PLCL2: variants seen among roughly 807,000 people sequenced by gnomAD.
The protein encoded by PLCL2 is inactive phospholipase C-like protein 2.
PLCL2 carries 4 observed loss-of-function variants against 79.6 expected under a neutral mutation model. That is an observed-to-expected ratio of 0.05 (90% confidence interval 0.02 to 0.11). The LOEUF is 0.11. Ranked by LOEUF, PLCL2 falls within the 10% of genes least tolerant of loss-of-function variation. PLCL2 has a pLI of 1.00. For synonymous variants in PLCL2, 484 were observed against 457.7 expected (o/e 1.06, Z -0.73); for missense variants, 895 against 1,291.0 (o/e 0.69, Z 4.70).
chr3:16,955,961 A>G (rs2124963883), intron 1 of PLCL2, among the ~76,000 whole-genome samples: 1 of 152,352 alleles, frequency 6.6e-6, no homozygotes, highest in South Asian at 2.1e-4. Context: ...ATATACAATC[A>G]TGTCATCTGC....
intron 1 of PLCL2, among the ~76,000 whole-genome samples, chr3:16,984,687 C>T (rs1203508336): frequency 1.3e-5 from 2 of 152,140 alleles, no homozygotes; most frequent in African/African-American, 4.8e-5. Flanking sequence ...AATCCCAGCA[C>T]TTTGGGAGGC....
At chr3:16,926,231 A>G (rs1230030254) in intron 1 of PLCL2, among the ~76,000 whole-genome samples, 2 of 152,174 alleles carry the variant, frequency 1.3e-5, no homozygotes, top group African/African-American at 4.8e-5. Context: ...GTTGCTCTCA[A>G]ACAAACAAAA....
At chr3:16,981,938 C>A (rs984637923) in intron 1 of PLCL2, among the ~76,000 whole-genome samples, 2 of 152,138 alleles carry the variant, frequency 1.3e-5, no homozygotes, top group African/African-American at 2.4e-5. Context: ...TGTTCTATTT[C>A]CTTCATCTTA....
intron 4 of PLCL2, among the ~76,000 whole-genome samples, chr3:17,065,804 C>A (rs887768974): frequency 5.9e-5 from 9 of 152,158 alleles, no homozygotes; most frequent in African/African-American, 9.7e-5. Context: ...TCTTGCAGTC[C>A]ATGGAGTCAT....
intron 1 of PLCL2, among the ~76,000 whole-genome samples, chr3:16,966,658 T>G (rs777952584): frequency 7.9e-5 from 12 of 152,084 alleles, no homozygotes; most frequent in Non-Finnish European, 1.5e-4. Context: ...ACTTTTTTTT[T>G]GGTTAGTATG....
At chr3:16,995,418 G>T (rs1414770992) in intron 1 of PLCL2, among the ~76,000 whole-genome samples, 3 of 152,184 alleles carry the variant, frequency 2.0e-5, no homozygotes, top group Non-Finnish European at 4.4e-5. Context: ...CCAGGAACGT[G>T]CACTCTCAGG....
Position 17,080,276 on chromosome 3 carries a change from G to A in PLCL2, c.3205-9457G>A, listed in dbSNP as rs186869166. ...TTAGGGAGTCTTTTTTCAACCGTAA[G>A]GTTTACTGAGACTTCAGTGGGAAGT... On this transcript the variant is annotated intron_variant, in intron 5 of 5. Coordinates refer to ENST00000615277, the MANE Select transcript of PLCL2 (RefSeq NM_001144382.2). 9.9e-4 allele frequency among the ~76,000 whole-genome samples: 151 copies of A among 152,262 alleles called. 1 individual carries two copies. The East Asian group carries it at 0.021, about 21-fold the overall frequency.
chr3:16,941,699 C>T (rs138727900), intron 1 of PLCL2, among the ~76,000 whole-genome samples: 176 of 152,278 alleles, frequency 1.2e-3, no homozygotes, highest in African/African-American at 4.1e-3. Context: ...GCTGAGGGCC[C>T]CTCCTCTGTT....
At chr3:16,980,899 C>T (rs7645276) in intron 1 of PLCL2, among the ~76,000 whole-genome samples, 52,793 of 152,046 alleles carry the variant, frequency 0.35, 9,580 homozygotes, top group African/African-American at 0.41. Context: ...CTCGGGAGGC[C>T]GAGGCTGGCG....
At chr3:17,076,863 C>T (rs533526173) in intron 5 of PLCL2, among the ~76,000 whole-genome samples, 1 of 152,278 alleles carries the variant, frequency 6.6e-6, no homozygotes, top group South Asian at 2.1e-4. Flanking sequence ...GCTATATTTT[C>T]AAGCAACACT....
chr3:17,052,792 G>C (rs189542867), intron 4 of PLCL2, among the ~76,000 whole-genome samples: 477 of 152,210 alleles, frequency 3.1e-3, no homozygotes, highest in Non-Finnish European at 4.9e-3. Flanking sequence ...GTGATAAATA[G>C]TAAATACATT....
chr3:17,014,478 C>T (rs2064361945), intron 2 of PLCL2, among the ~76,000 whole-genome samples: 1 of 152,142 alleles, frequency 6.6e-6, no homozygotes, highest in South Asian at 2.1e-4. Context: ...GACTTATTTG[C>T]ATTTTCAGTA....
At chr3:16,910,912 C>T (rs151031451) in intron 1 of PLCL2, among the ~76,000 whole-genome samples, 8 of 152,158 alleles carry the variant, frequency 5.3e-5, no homozygotes, top group Non-Finnish European at 1.0e-4. Flanking sequence ...GTTTTATCTT[C>T]GAGATATAAC....
At chr3:16,926,907 A>G (rs1036332123) in intron 1 of PLCL2, among the ~76,000 whole-genome samples, 3 of 152,178 alleles carry the variant, frequency 2.0e-5, no homozygotes, top group African/African-American at 7.2e-5. Flanking sequence ...AGGATTACAG[A>G]TGTAAGCCAC....
chr3:16,896,814 A>G (rs1696490828), intron 1 of PLCL2, among the ~76,000 whole-genome samples: 1 of 152,188 alleles, frequency 6.6e-6, no homozygotes, highest in South Asian at 2.1e-4. Flanking sequence ...ACGAAGGGGA[A>G]ATAATCTTCA....
chr3:17,078,050 AATCT>A (rs2124951437), intron 5 of PLCL2, among the ~76,000 whole-genome samples: 1 of 152,102 alleles, frequency 6.6e-6, no homozygotes, highest in South Asian at 2.1e-4. Context: ...TCAAGTACTC[AATCT>A]ATTTGTATTT....
At chr3:17,067,875 A>C (rs1466446267) in intron 4 of PLCL2, 81 bp from the exon 5 acceptor site, 1 of 724,956 alleles carries the variant, frequency 1.4e-6, no homozygotes, top group East Asian at 2.7e-5. Flanking sequence ...TTTTAGCTGT[A>C]CCTAGAAAAA....
intron 1 of PLCL2, among the ~76,000 whole-genome samples, chr3:16,897,394 C>G (rs948506752): frequency 1.3e-5 from 2 of 151,854 alleles, no homozygotes. Context: ...TAGTTCCTGG[C>G]GAGTCCCTGG....
intron 4 of PLCL2, among the ~76,000 whole-genome samples, chr3:17,063,240 C>CCTT (rs2064970796): frequency 1.9e-5 from 1 of 53,172 alleles, no homozygotes; most frequent in Non-Finnish European, 4.1e-5. Flanking sequence ...CTCCCTCCCT[C>CCTT]CCTGCCTTCC....
Sources: allele counts gnomAD v4.1 joint callset (sites outside exome capture counted in the v4.1 genomes callset), GRCh38; gene constraint gnomAD v4.1.1; transcripts MANE v1.5; gene names NCBI Gene and HGNC (gene_info 2026-07-23, HGNC 2026-07-21).